DAB2IP: variants seen among roughly 807,000 people sequenced by gnomAD.
DAB2IP encodes the protein DAB2 interacting protein, also known as disabled homolog 2-interacting protein.
DAB2IP carries 28 observed loss-of-function variants against 107.2 expected under a neutral mutation model. The observed-to-expected ratio is 0.26, with a 90% confidence interval of 0.19 to 0.36. The LOEUF (loss-of-function observed/expected upper bound fraction) is 0.36. Ranked by LOEUF, DAB2IP falls within the 10% of genes least tolerant of loss-of-function variation. DAB2IP has a pLI of 1.00. For missense variants in DAB2IP, 1,400 were observed against 1,644.7 expected (o/e 0.85, Z 2.57); for synonymous variants, 755 against 706.4 (o/e 1.07, Z -1.09).
At chr9:121,708,604 C>T (rs776771632) in intron 3 of DAB2IP, among the ~76,000 whole-genome samples, 3 of 152,180 alleles carry the variant, frequency 2.0e-5, no homozygotes, top group Non-Finnish European at 4.4e-5. Context: ...CTCCTAACTC[C>T]AGGTCCAGTG....
chr9:121,623,397 T>G (rs1201137340), intron 1 of DAB2IP, among the ~76,000 whole-genome samples: 1 of 152,208 alleles, frequency 6.6e-6, no homozygotes, highest in African/African-American at 2.4e-5. Context: ...AATAGGGTCT[T>G]GCCCTTTTGC....
chr9:121,722,012 A>G (rs1444850665), intron 3 of DAB2IP, among the ~76,000 whole-genome samples: 2 of 151,556 alleles, frequency 1.3e-5, no homozygotes, highest in African/African-American at 4.8e-5. Flanking sequence ...AGCTGTGTCC[A>G]TCCCTCCAGT....
chr9:121,630,510 G>A (rs757678681), intron 1 of DAB2IP, among the ~76,000 whole-genome samples: 2 of 145,340 alleles, frequency 1.4e-5, no homozygotes, highest in Non-Finnish European at 3.0e-5. Flanking sequence ...GGTCAACAGA[G>A]CAAGACTCCA....
intron 3 of DAB2IP, among the ~76,000 whole-genome samples, chr9:121,713,271 T>C (rs1830424064): frequency 6.6e-6 from 1 of 152,096 alleles, no homozygotes; most frequent in Non-Finnish European, 1.5e-5. Flanking sequence ...AACCATTTGC[T>C]CCCTGGATAG....
chr9:121,631,112 C>G (rs192594322), intron 1 of DAB2IP, among the ~76,000 whole-genome samples: 4 of 152,294 alleles, frequency 2.6e-5, no homozygotes, highest in Admixed American at 6.5e-5. Context: ...CAAGGCTGCT[C>G]TTTGTACCCA....
intron 1 of DAB2IP, among the ~76,000 whole-genome samples, chr9:121,668,143 A>C (rs1444181622): frequency 3.3e-5 from 5 of 151,914 alleles, no homozygotes; most frequent in South Asian, 4.2e-4. Context: ...ATTCAAGATG[A>C]CATTTGAGTG....
chr9:121,576,254 T>C (rs1231052782), intron 1 of DAB2IP: 1 of 152,174 alleles, frequency 6.6e-6, no homozygotes, highest in African/African-American at 2.4e-5. Flanking sequence ...ATGCCGTTCA[T>C]GGTCTGACCC....
At chr9:121,681,564 A>G (rs1222732280) in intron 2 of DAB2IP, among the ~76,000 whole-genome samples, 2 of 151,848 alleles carry the variant, frequency 1.3e-5, no homozygotes, top group South Asian at 2.1e-4. Flanking sequence ...TCTCATGGCA[A>G]CCCTCTAGGG....
At chr9:121,686,747 G>T (rs1328848668) in intron 2 of DAB2IP, among the ~76,000 whole-genome samples, 1 of 152,164 alleles carries the variant, frequency 6.6e-6, no homozygotes, top group Non-Finnish European at 1.5e-5. Flanking sequence ...GGCTGTGAGG[G>T]CTCAGTGCCT....
chr9:121,748,888 G>A (rs970327436), intron 3 of DAB2IP, among the ~76,000 whole-genome samples: 11 of 152,192 alleles, frequency 7.2e-5, no homozygotes, highest in Admixed American at 5.2e-4. Context: ...AGAAGGCCAC[G>A]TGTCTCCCTG....
Position 121,699,316 on chromosome 9 carries a change from C to G in DAB2IP, c.229-9C>G, listed in dbSNP as rs750215630. The G allele has an allele frequency of 6.2e-6, 9 of 1,443,876 alleles. No individual in the cohort carries two copies. Among genetic ancestry groups the G allele is most frequent in the East Asian group, 6.3e-5 (2 of 31,544 alleles). The allele number at this position is 1,443,876 out of a possible 1,614,324, so 89.4% of individuals were successfully genotyped here. Reference sequence around the variant, plus strand: ...CCTCCCCTTCCCCCTCTTGTCCCCCCGTGCGCAGGGCTTCCTCAGCCGCCG... The same window carrying G: ...CCTCCCCTTCCCCCTCTTGTCCCCCGGTGCGCAGGGCTTCCTCAGCCGCCG... On this transcript the variant is annotated splice_polypyrimidine_tract_variant and intron_variant, in intron 2 of 15. Transcript: ENST00000408936. This position sits in a 1 kb window ranked among gnomAD's most constrained non-coding sequence, Gnocchi z 6.2.
At chr9:121,746,634 A>T (rs1832739299) in intron 3 of DAB2IP, among the ~76,000 whole-genome samples, 1 of 152,172 alleles carries the variant, frequency 6.6e-6, no homozygotes, top group Admixed American at 6.5e-5. Context: ...AGATGGAAGA[A>T]GATGCTGCCT....
exon 16 of DAB2IP, chr9:121,783,440 A>G: frequency 6.2e-7 from 1 of 1,611,234 alleles, no homozygotes; most frequent in Non-Finnish European, 8.5e-7. Flanking sequence ...CCTGAAAGAA[A>G]AGGTGATCCT....
chr9:121,737,602 G>A (rs1386435847), intron 3 of DAB2IP: 1 of 985,302 alleles, frequency 1.0e-6, no homozygotes, highest in Admixed American at 6.1e-5. Context: ...GGGCCGGAGG[G>A]GCTGCTCACT....
At chr9:121,616,007 G>T (rs1413043111) in intron 1 of DAB2IP, among the ~76,000 whole-genome samples, 1 of 152,124 alleles carries the variant, frequency 6.6e-6, no homozygotes, top group Non-Finnish European at 1.5e-5. Flanking sequence ...TGTGTCCCTG[G>T]GCCCATGTGT....
chr9:121,632,875 C>T (rs979537149), intron 1 of DAB2IP, among the ~76,000 whole-genome samples: 3 of 152,158 alleles, frequency 2.0e-5, no homozygotes, highest in African/African-American at 7.2e-5. Flanking sequence ...GGTCTTTGAA[C>T]GTGGGATTTT....
At chr9:121,642,014 TCTCTCTCTCTC>T (rs1832347185) in intron 1 of DAB2IP, among the ~76,000 whole-genome samples, 1 of 26,656 alleles carries the variant, frequency 3.8e-5, no homozygotes, top group African/African-American at 1.7e-4. Context: ...TCTCTCTCTC[TCTCTCTCTCTC>T]TCTCTCTTTC....
intron 13 of DAB2IP, among the ~76,000 whole-genome samples, chr9:121,775,839 G>A (rs12344971): frequency 2.6e-5 from 4 of 152,262 alleles, no homozygotes; most frequent in African/African-American, 9.6e-5. Flanking sequence ...CTCTCAGGGT[G>A]CTGTCACATG....
exon 16 of DAB2IP, chr9:121,783,113 C>A (rs1337665891): frequency 9.5e-7 from 1 of 1,057,198 alleles, no homozygotes; most frequent in South Asian, 3.5e-5. Context: ...CTGTGAGGAA[C>A]TGAGGATTCC....
Sources: allele counts gnomAD v4.1 joint callset (sites outside exome capture counted in the v4.1 genomes callset), GRCh38; gene constraint gnomAD v4.1.1; non-coding constraint Gnocchi (gnomAD v3.1); transcripts MANE v1.5; gene names NCBI Gene and HGNC (gene_info 2026-07-23, HGNC 2026-07-21).